ZNF536: variants seen among roughly 807,000 people sequenced by gnomAD.
The protein encoded by ZNF536 is zinc finger protein 536.
A neutral mutation model predicts 84.5 loss-of-function variants in ZNF536; 13 were observed. That is an observed-to-expected ratio of 0.15 (90% CI 0.10 to 0.24). The LOEUF (loss-of-function observed/expected upper bound fraction) is 0.24, where lower values mean the gene tolerates loss of function less well. ZNF536 is among the 10% of genes least tolerant of loss of function. ZNF536 has a pLI of 1.00. For missense variants in ZNF536, 1,536 were observed against 1,747.5 expected (o/e 0.88, Z 2.16); for synonymous variants, 811 against 742.5 (o/e 1.09, Z -1.50).
At chr19:30,524,041 C>T (rs1283448866) in intron 2 of ZNF536, among the ~76,000 whole-genome samples, 2 of 152,338 alleles carry the variant, frequency 1.3e-5, no homozygotes, top group Non-Finnish European at 2.9e-5. Context: ...GCCCCCACCC[C>T]GTGCCCAGGC....
chr19:30,409,774 G>T (rs958745121), intron 1 of ZNF536, among the ~76,000 whole-genome samples: 2 of 152,062 alleles, frequency 1.3e-5, no homozygotes, highest in African/African-American at 4.8e-5. Context: ...GTGGTACACC[G>T]TACTAATTTT....
chr19:30,519,711 G>C (rs1431801423), intron 2 of ZNF536, among the ~76,000 whole-genome samples: 1 of 152,176 alleles, frequency 6.6e-6, no homozygotes, highest in East Asian at 1.9e-4. Flanking sequence ...TAGATTGCAT[G>C]ATCATGGAAG....
chr19:30,248,554 G>T (rs1321276670), intron 1 of ZNF536, among the ~76,000 whole-genome samples: 4 of 152,070 alleles, frequency 2.6e-5, no homozygotes, highest in African/African-American at 7.2e-5. Flanking sequence ...AGAATCTTCA[G>T]ATTTCTATCT....
chr19:30,559,769 G>T (rs937218343), downstream of ZNF536, among the ~76,000 whole-genome samples: 9 of 152,140 alleles, frequency 5.9e-5, no homozygotes, highest in Non-Finnish European at 1.3e-4. Flanking sequence ...AGCCTGGAAG[G>T]CTCCCTGGAG....
chr19:30,355,908 T>C (rs2048079823), intron 3 of ZNF536, among the ~76,000 whole-genome samples: 2 of 152,300 alleles, frequency 1.3e-5, no homozygotes, highest in East Asian at 1.9e-4. Flanking sequence ...CATGGAAAAG[T>C]TGTCTTCCAC....
chr19:30,470,616 G>A (rs1437107609), intron 2 of ZNF536, among the ~76,000 whole-genome samples: 1 of 151,344 alleles, frequency 6.6e-6, no homozygotes, highest in Non-Finnish European at 1.5e-5. Context: ...TAGTTTCTTA[G>A]ACTTTCCTTG....
intron 1 of ZNF536, among the ~76,000 whole-genome samples, chr19:30,437,008 A>G (rs1212454906): frequency 3.3e-5 from 5 of 152,254 alleles, no homozygotes; most frequent in Non-Finnish European, 5.9e-5. Context: ...TGGCTAGACA[A>G]CAATACTTGA....
At chr19:30,634,182 G>A (rs952412078) in intron 1 of ZNF536, among the ~76,000 whole-genome samples, 3 of 152,100 alleles carry the variant, frequency 2.0e-5, no homozygotes, top group African/African-American at 4.8e-5. Flanking sequence ...ATGAAGACAA[G>A]GTCCCATTGG....
At chr19:30,689,031 C>A (rs1339918251) in intron 1 of ZNF536, among the ~76,000 whole-genome samples, 1 of 152,252 alleles carries the variant, frequency 6.6e-6, no homozygotes, top group Non-Finnish European at 1.5e-5. Flanking sequence ...CTGTGCTGAG[C>A]TCTCGATGTG....
intron 1 of ZNF536, among the ~76,000 whole-genome samples, chr19:30,646,354 G>C (rs2049468703): frequency 6.6e-6 from 1 of 152,200 alleles, no homozygotes; most frequent in Non-Finnish European, 1.5e-5. Flanking sequence ...GCTTGAGCCT[G>C]CGCACACATG....
intron 1 of ZNF536, among the ~76,000 whole-genome samples, chr19:30,624,451 T>TG (rs2048602697): frequency 6.6e-6 from 1 of 152,144 alleles, no homozygotes; most frequent in South Asian, 2.1e-4. Context: ...CCTTAACACA[T>TG]GCAGTGATGG....
chr19:30,639,496 C>T (rs1010231078), intron 1 of ZNF536, among the ~76,000 whole-genome samples: 14 of 152,156 alleles, frequency 9.2e-5, no homozygotes, highest in African/African-American at 3.1e-4. Context: ...GCCACATGGC[C>T]GTCAGCTACC....
chr19:30,234,496 G>A (rs1452265941), intron 1 of ZNF536, among the ~76,000 whole-genome samples: 3 of 143,500 alleles, frequency 2.1e-5, no homozygotes, highest in African/African-American at 5.2e-5. Flanking sequence ...CTGCCTCCCA[G>A]GTTCAAGGGG....
chr19:30,587,762 G>A (rs1286801385), intron 1 of ZNF536, among the ~76,000 whole-genome samples: 2 of 152,240 alleles, frequency 1.3e-5, no homozygotes, highest in Non-Finnish European at 2.9e-5. Context: ...AGAGCTAAAC[G>A]AGTCGAGGCA....
At chr19:30,375,279 G>A (rs926481676) in intron 1 of ZNF536, among the ~76,000 whole-genome samples, 1 of 150,212 alleles carries the variant, frequency 6.7e-6, no homozygotes. Flanking sequence ...GCCCGCGCCC[G>A]GGCCCCGCGA....
At chr19:30,635,094 G>A (rs1049066377) in intron 1 of ZNF536, among the ~76,000 whole-genome samples, 2 of 146,576 alleles carry the variant, frequency 1.4e-5, no homozygotes, top group Non-Finnish European at 3.0e-5. Context: ...GTGTGTGTAT[G>A]CGCGTGCCCC....
intron 2 of ZNF536, among the ~76,000 whole-genome samples, chr19:30,342,775 C>A (rs2047604086): frequency 6.6e-6 from 1 of 152,204 alleles, no homozygotes; most frequent in Non-Finnish European, 1.5e-5. Context: ...TTAATTTTAT[C>A]CAACTTTATT....
intron 1 of ZNF536, among the ~76,000 whole-genome samples, chr19:30,580,821 G>A (rs192247767): frequency 6.6e-6 from 1 of 152,182 alleles, no homozygotes; most frequent in Admixed American, 6.5e-5. Flanking sequence ...CTGGCTGCTT[G>A]GAACTCTCCC....
At chr19:30,703,810 T>TACCAATGTGTCACAG (rs1256442176) in intron 1 of ZNF536, among the ~76,000 whole-genome samples, 4 of 152,242 alleles carry the variant, frequency 2.6e-5, no homozygotes, top group African/African-American at 9.6e-5. Context: ...TGCCATCATC[T>TACCAATGTGTCACAG]GATGCTCACA....
Sources: gnomAD v4.1 joint callset for allele counts (sites outside exome capture counted in the v4.1 genomes callset) on GRCh38, gnomAD v4.1.1 for gene constraint, MANE v1.5 for transcripts, NCBI Gene and HGNC (gene_info 2026-07-23, HGNC 2026-07-21) for gene names.